The following SPOCK1 variants were observed in gnomAD, a reference collection of about 807,000 sequenced individuals.
The protein encoded by SPOCK1 is SPARC (osteonectin), cwcv and kazal like domains proteoglycan 1.
A neutral mutation model predicts 55.3 loss-of-function variants in SPOCK1; 23 were observed. The ratio of observed to expected loss-of-function variants is 0.42; its 90% confidence interval spans 0.30 to 0.59. The LOEUF is 0.59. Among genes scored for constraint, SPOCK1 ranks in the 20% least tolerant of loss-of-function variants. The pLI is 0.22. For missense variants in SPOCK1, 499 were observed against 552.5 expected (o/e 0.90, Z 0.97); for synonymous variants, 226 against 221.0 (o/e 1.02, Z -0.20).
intron 5 of SPOCK1, among the ~76,000 whole-genome samples, chr5:137,099,361 A>T (rs1347822012): frequency 7.2e-5 from 11 of 152,124 alleles, no homozygotes; most frequent in Non-Finnish European, 1.6e-4. Context: ...AAGTAATTGC[A>T]GTTTTTGCCA....
chr5:137,188,464 G>T (rs1433777682), intron 3 of SPOCK1, among the ~76,000 whole-genome samples: 1 of 151,924 alleles, frequency 6.6e-6, no homozygotes, highest in Non-Finnish European at 1.5e-5. Context: ...TATGTATTAG[G>T]GTGCTCTGTG....
chr5:137,155,507 G>A lies in SPOCK1; in HGVS notation c.233-14813C>T, dbSNP rs147927749. On this transcript the variant is annotated intron_variant, in intron 3 of 10. Coordinates refer to ENST00000394945, the MANE Select transcript of SPOCK1 (RefSeq NM_004598.4). The stretch of plus-strand genomic sequence containing the variant: ...AACACCCTCCACTCAGTGAGGTCAC[G>A]CTGGAAACTGATACATGGCACTCCA... Among the ~76,000 whole-genome samples the A allele has an allele frequency of 5.3e-5, 8 of 152,306 alleles. No homozygotes were observed. The South Asian group carries it at 6.2e-4, about 12-fold the overall frequency.
intron 3 of SPOCK1, among the ~76,000 whole-genome samples, chr5:137,169,470 C>A (rs2127057312): frequency 6.6e-6 from 1 of 152,128 alleles, no homozygotes; most frequent in Non-Finnish European, 1.5e-5. Flanking sequence ...ACTACACACC[C>A]ACAAAATTAA....
intron 3 of SPOCK1, among the ~76,000 whole-genome samples, chr5:137,214,425 TC>T (rs1479611421): frequency 6.6e-6 from 1 of 152,018 alleles, no homozygotes; most frequent in Non-Finnish European, 1.5e-5. Context: ...CAAGGCTGAA[TC>T]CCCCCTTACA....
intron 2 of SPOCK1, among the ~76,000 whole-genome samples, chr5:137,427,641 G>A (rs1752660999): frequency 6.6e-6 from 1 of 152,176 alleles, no homozygotes; most frequent in South Asian, 2.1e-4. Context: ...TGGGCACGAT[G>A]GCTCACACCT....
chr5:137,432,728 T>C (rs1236358556), intron 2 of SPOCK1, among the ~76,000 whole-genome samples: 1 of 152,238 alleles, frequency 6.6e-6, no homozygotes, highest in Non-Finnish European at 1.5e-5. Flanking sequence ...CAGATTAAAA[T>C]AGTGAATTTT....
intron 6 of SPOCK1, among the ~76,000 whole-genome samples, chr5:137,063,366 G>A (rs1752433342): frequency 2.1e-5 from 3 of 140,308 alleles, no homozygotes; most frequent in Non-Finnish European, 1.5e-5. Flanking sequence ...GATAAACAAA[G>A]AGAACAACAA....
chr5:137,288,664 A>G (rs1230995851), intron 2 of SPOCK1, among the ~76,000 whole-genome samples: 5 of 152,186 alleles, frequency 3.3e-5, no homozygotes, highest in Admixed American at 2.6e-4. Context: ...TTTAGATGGA[A>G]AATCTGGACT....
intron 5 of SPOCK1, among the ~76,000 whole-genome samples, chr5:137,089,509 G>A (rs1311514064): frequency 6.6e-6 from 1 of 152,158 alleles, no homozygotes; most frequent in Admixed American, 6.5e-5. Context: ...GCACCAGCAA[G>A]CTCTTCTCTG....
intron 2 of SPOCK1, among the ~76,000 whole-genome samples, chr5:137,321,418 C>T (rs1757980557): frequency 6.6e-6 from 1 of 152,082 alleles, no homozygotes; most frequent in South Asian, 2.1e-4. Flanking sequence ...CACTGAGATA[C>T]ATTATAATCA....
At chr5:137,280,163 T>C (rs1580844652) in intron 2 of SPOCK1, among the ~76,000 whole-genome samples, 1 of 152,150 alleles carries the variant, frequency 6.6e-6, no homozygotes, top group African/African-American at 2.4e-5. Context: ...CTAAGTCCCA[T>C]CTTTTAAAAT....
intron 2 of SPOCK1, among the ~76,000 whole-genome samples, chr5:137,391,976 C>T (rs1263897973): frequency 6.6e-6 from 1 of 152,180 alleles, no homozygotes; most frequent in African/African-American, 2.4e-5. Context: ...AAACTGCCCT[C>T]TCCAACACCT....
chr5:137,160,581 T>TATATATATATA (rs1754521110), intron 3 of SPOCK1, among the ~76,000 whole-genome samples: 1 of 55,880 alleles, frequency 1.8e-5, no homozygotes, highest in Non-Finnish European at 3.3e-5. Flanking sequence ...TTATATAATA[T>TATATATATATA]ATATAATATA....
At chr5:136,992,222 G>A (rs969796334) in intron 7 of SPOCK1, among the ~76,000 whole-genome samples, 2 of 152,014 alleles carry the variant, frequency 1.3e-5, no homozygotes, top group African/African-American at 2.4e-5. Context: ...ACACACACAC[G>A]CTGTTTCATA....
intron 2 of SPOCK1, among the ~76,000 whole-genome samples, chr5:137,404,575 A>AT (rs67609274): frequency 0.24 from 33,466 of 137,694 alleles, 4,187 homozygotes; most frequent in Admixed American, 0.33. Flanking sequence ...CACCCAGCTA[A>AT]TTTTTTTTTT....
chr5:137,043,631 T>C (rs964277084), intron 6 of SPOCK1, among the ~76,000 whole-genome samples: 3 of 152,228 alleles, frequency 2.0e-5, no homozygotes, highest in Non-Finnish European at 4.4e-5. Context: ...TGCTGATTCC[T>C]CTGTGGATCT....
At chr5:137,346,328 C>T (rs575325760) in intron 2 of SPOCK1, among the ~76,000 whole-genome samples, 3 of 152,298 alleles carry the variant, frequency 2.0e-5, no homozygotes, top group East Asian at 1.9e-4. Flanking sequence ...TCCTTCCCTG[C>T]ACCCCTCCTC....
At chr5:137,465,484 G>C (rs376451429) in intron 2 of SPOCK1, among the ~76,000 whole-genome samples, 9 of 151,776 alleles carry the variant, frequency 5.9e-5, no homozygotes, top group Non-Finnish European at 1.2e-4. Flanking sequence ...CTTTTACTGA[G>C]AGCCTCAACT....
At chr5:137,400,102 C>T (rs1751943580) in intron 2 of SPOCK1, among the ~76,000 whole-genome samples, 1 of 152,236 alleles carries the variant, frequency 6.6e-6, no homozygotes, top group Admixed American at 6.5e-5. Context: ...GGCTTGCACA[C>T]ATGGGCGTTA....
Sources: gnomAD v4.1 joint callset for allele counts (sites outside exome capture counted in the v4.1 genomes callset) on GRCh38, gnomAD v4.1.1 for gene constraint, MANE v1.5 for transcripts, NCBI Gene and HGNC (gene_info 2026-07-23, HGNC 2026-07-21) for gene names.